TLN1: variants seen among roughly 807,000 people sequenced by gnomAD.
TLN1 encodes the protein talin 1, also known as talin-1.
TLN1 carries 56 observed loss-of-function variants against 292.3 expected under a neutral mutation model. The observed-to-expected ratio is 0.19, with a 90% CI of 0.15 to 0.24. The LOEUF is 0.24. Ranked by LOEUF, TLN1 falls within the 10% of genes least tolerant of loss-of-function variation. The pLI is 1.00. For missense variants in TLN1, 2,433 were observed against 3,248.2 expected, an observed-to-expected ratio of 0.75 and a Z score of 6.10; for synonymous variants, 1,119 against 1,253.7, an observed-to-expected ratio of 0.89 and a Z score of 2.27.
Position 35,724,131 on chromosome 9 carries a change from G to GCA in TLN1, c.655-54_655-53dup. 1 of 1,613,372 alleles carries GCA rather than the reference G, an allele frequency of 6.2e-7. No homozygotes were observed. The highest frequency in any genetic ancestry group is 8.5e-7 in the Non-Finnish European group (1 of 1,179,408). On this transcript the variant is annotated intron_variant, in intron 6 of 56. Coordinates refer to ENST00000314888, the MANE Select transcript of TLN1 (RefSeq NM_006289.4). This position sits in a 1 kb window ranked among gnomAD's most constrained non-coding sequence, Gnocchi z 4.7. ...ATGTTGTGTGTGGGTGCAAGGACAC[G>GCA]CACACTGTGCTTCCGAGCCCTCCCT...
chr9:35,707,037 C>T lies in TLN1; in HGVS notation c.4955+35G>A. On this transcript the variant is annotated intron_variant, in intron 37 of 56. Coordinates refer to ENST00000314888, the MANE Select transcript of TLN1 (RefSeq NM_006289.4). This position sits in a 1 kb window ranked among gnomAD's most constrained non-coding sequence, Gnocchi z 5.6. The stretch of plus-strand genomic sequence containing the variant: ...ATCCTCCATTCTGCCACAATGTATG[C>T]CCCCCAGCCACACTGGTTCCCCATC... 1 of 1,608,512 alleles carries T rather than the reference C, an allele frequency of 6.2e-7. No homozygotes were observed. The highest frequency in any genetic ancestry group is 1.1e-5 in the South Asian group (1 of 90,650).
chr9:35,724,958 T>C lies in TLN1; in HGVS notation c.230A>G (p.Asp77Gly). Reference sequence around the variant, plus strand: ...CTGTTTCTTCCTGTACTCCATAGTGTCCTGTTAGGGCAGGAAGAAGAGACA... The same window carrying C: ...CTGTTTCTTCCTGTACTCCATAGTGCCCTGTTAGGGCAGGAAGAAGAGACA... ...ALDYYMLRNG[D>G]TMEYRKKQRP... Residue 77 changes from aspartate (D) to glycine (G), a missense_variant and splice_region_variant, in exon 4 of 57, where the codon GAC (aspartate) becomes GGC (glycine). By Grantham distance (94) the Asp-to-Gly change is moderately conservative (BLOSUM62 -1). This residue lies in a region of TLN1 where 155 missense variants were observed against 287.9 expected (regional missense o/e 0.54). Transcript: ENST00000314888. The surrounding 1 kb of genome is among the most constrained non-coding windows in gnomAD (Gnocchi z 4.7). 1 of 1,614,140 alleles carries C rather than the reference T, an allele frequency of 6.2e-7. No individual in the cohort carries two copies. Among genetic ancestry groups the C allele is most frequent in the Non-Finnish European group, 8.5e-7 (1 of 1,180,036 alleles).
At position 35,697,542 on chromosome 9, in the gene TLN1, T is replaced by C; in HGVS notation, c.*249A>G. On this transcript the variant is annotated 3_prime_UTR_variant, in exon 57 of 57. Transcript: ENST00000314888. The stretch of plus-strand genomic sequence containing the variant: ...TCAGATCGAGGTACAGCAGCGTTAA[T>C]AATACTCTTGGAGCGTTAATACTCT... 1 of 530,756 alleles carries C rather than the reference T, an allele frequency of 1.9e-6. No homozygotes were observed. The highest frequency in any genetic ancestry group is 3.3e-6 in the Non-Finnish European group (1 of 304,704). 32.9% of individuals were successfully genotyped at this position (530,756 alleles called of 1,614,324 possible). A position where few individuals can be genotyped will look rare whatever the true frequency, so the allele number is the denominator to read the frequency against.
Position 35,717,516 on chromosome 9 carries a change from A to C in TLN1, c.2164-76T>G. 6.3e-7 allele frequency: 1 copy of C among 1,577,304 alleles called. No individual in the cohort carries two copies. Among genetic ancestry groups the C allele is most frequent in the Non-Finnish European group, 8.6e-7 (1 of 1,156,396 alleles). ...TATGCTGCTCATAGCAGTAACTGGG[A>C]TGGGTGAGGAGGCCTCCAGAGCCAA... On this transcript the variant is annotated intron_variant, in intron 18 of 56. Coordinates refer to ENST00000314888, the MANE Select transcript of TLN1 (RefSeq NM_006289.4). The surrounding 1 kb of genome is among the most constrained non-coding windows in gnomAD (Gnocchi z 4.7).
intron 29 of TLN1, 97 bp from the exon 30 acceptor site, chr9:35,711,491 T>C: frequency 6.2e-7 from 1 of 1,604,464 alleles, no homozygotes; most frequent in East Asian, 2.2e-5. Flanking sequence ...TGCTAGAGAC[T>C]GGGGAGGGAA....
chr9:35,720,139 G>C lies in TLN1; in HGVS notation c.1364C>G (p.Ser455Cys). Reference protein sequence around the residue: ...GSVALPAIMRSGASGPENFQV... With the variant: ...GSVALPAIMRCGASGPENFQV... ...GAAATTCTCAGGACCAGAGGCTCCA[G>C]AGCGCATGATGGCAGGCAGGGCCAC... The change falls in exon 13 of 57, where the codon TCT (serine) becomes TGT (cysteine). Residue 455 changes from serine to cysteine, a missense_variant. Around this residue, in one of 7 missense-constraint regions of TLN1, gnomAD observed 617 missense variants for 770.6 expected, o/e 0.80. Coordinates refer to ENST00000314888, the MANE Select transcript of TLN1 (RefSeq NM_006289.4). The C allele has an allele frequency of 2.5e-6, 4 of 1,612,898 alleles. No individual in the cohort carries two copies. Among genetic ancestry groups the C allele is most frequent in the Non-Finnish European group, 3.4e-6 (4 of 1,179,508 alleles).
rs905092531 is a variant in TLN1, at chr9:35,723,287, G to A, written c.783-366C>T. 1.3e-4 allele frequency: 29 copies of A among 229,276 alleles called. No homozygotes were observed. The East Asian group carries it at 3.3e-3, about 26-fold the overall frequency. The allele number at this position is 229,276 out of a possible 1,614,324, so 14.2% of individuals were successfully genotyped here. A position where few individuals can be genotyped will look rare whatever the true frequency, so the allele number is the denominator to read the frequency against. On this transcript the variant is annotated intron_variant, in intron 7 of 56. Transcript: ENST00000314888. Reference sequence around the variant, plus strand: ...TGGCTAATTTTGTATTTTTAGTAGAGATACATGGTTTCTCCACGTTGGTCA... The same window carrying A: ...TGGCTAATTTTGTATTTTTAGTAGAAATACATGGTTTCTCCACGTTGGTCA...
intron 31 of TLN1, 40 bp downstream of exon 31, chr9:35,710,949 T>C (rs992389490): frequency 6.2e-7 from 1 of 1,613,826 alleles, no homozygotes; most frequent in Middle Eastern, 1.6e-4. Context: ...ACCAGAACAC[T>C]TCCCTCAACC....
chr9:35,703,585 G>C lies in TLN1; in HGVS notation c.6449C>G (p.Thr2150Arg). The change falls in exon 48 of 57, where the codon ACA becomes AGA. Residue 2150 changes from threonine to arginine, a missense_variant. This residue lies in a region of TLN1 where 1,384 missense variants were observed against 1,699.6 expected (regional missense o/e 0.81). Coordinates refer to ENST00000314888, the MANE Select transcript of TLN1 (RefSeq NM_006289.4). ...TKGTRALEAT[T>R]EHIRQELAVF... ...CGCCAGCTCCTGCCGTATGTGTTCT[G>C]TGGTTGCCTCCAGGGCCCGAGTGCC... The C allele has an allele frequency of 1.2e-6, 2 of 1,614,186 alleles. No individual in the cohort carries two copies. The highest frequency in any genetic ancestry group is 1.1e-5 in the South Asian group (1 of 91,082).
chr9:35,720,629 C>CTTTTT, intron 11 of TLN1, 120 bp from the exon 12 acceptor site: 4 of 833,096 alleles, frequency 4.8e-6, no homozygotes, highest in African/African-American at 1.9e-5. Flanking sequence ...ATTTCTTTTT[C>CTTTTT]TTTTTTTTTT....
rs368972248 is a variant in TLN1, at chr9:35,724,980, G to A, written c.229-21C>T. 1 of 1,613,818 alleles carries A rather than the reference G, an allele frequency of 6.2e-7. No homozygotes were observed. The highest frequency in any genetic ancestry group is 8.5e-7 in the Non-Finnish European group (1 of 1,180,020). Reference sequence around the variant, plus strand: ...GTGTCCTGTTAGGGCAGGAAGAAGAGACAGGGGCCTACTCTGAGCTAGGGG... The same window carrying A: ...GTGTCCTGTTAGGGCAGGAAGAAGAAACAGGGGCCTACTCTGAGCTAGGGG... On this transcript the variant is annotated intron_variant, in intron 3 of 56. Coordinates refer to ENST00000314888, the MANE Select transcript of TLN1 (RefSeq NM_006289.4). The surrounding 1 kb of genome is among the most constrained non-coding windows in gnomAD (Gnocchi z 4.7).
chr9:35,723,037 G>GA, intron 7 of TLN1, 116 bp from the exon 8 acceptor site: 6 of 808,050 alleles, frequency 7.4e-6, no homozygotes, highest in African/African-American at 1.7e-5. Flanking sequence ...TCTTTGGGGA[G>GA]AAAAAAGACT....
At position 35,707,989 on chromosome 9, in the gene TLN1, C is replaced by T. The variant is rs566748294; in HGVS notation, c.4471-97G>A. 2.6e-4 allele frequency: 365 copies of T among 1,394,138 alleles called. 1 individual carries two copies. The highest frequency in any genetic ancestry group is 3.3e-4 in the Non-Finnish European group (337 of 1,016,870). The allele number at this position is 1,394,138 out of a possible 1,614,324, so 86.4% of individuals were successfully genotyped here. A position where few individuals can be genotyped will look rare whatever the true frequency, so the allele number is the denominator to read the frequency against. On this transcript the variant is annotated intron_variant, in intron 34 of 56. Coordinates refer to ENST00000314888, the MANE Select transcript of TLN1 (RefSeq NM_006289.4). This position sits in a 1 kb window ranked among gnomAD's most constrained non-coding sequence, Gnocchi z 5.6. ...AGGGTCAGGGGATGGAGAGCAATAC[C>T]CTGAGGAGTCAAAACAGGAATAACA...
chr9:35,700,139 C>CT, intron 49 of TLN1, 52 bp downstream of exon 49: 8 of 1,592,218 alleles, frequency 5.0e-6, no homozygotes, highest in Non-Finnish European at 6.9e-6. Flanking sequence ...GTTTCTCTCC[C>CT]ACTATGTTCT....
At chr9:35,705,717 G>C in intron 42 of TLN1, 33 bp downstream of exon 42, 1 of 1,614,168 alleles carries the variant, frequency 6.2e-7, no homozygotes, top group Non-Finnish European at 8.5e-7. Flanking sequence ...TCAGCTCTCC[G>C]AGGGCAGTCC....
Position 35,720,722 on chromosome 9 carries a change from T to C in TLN1, c.1206+90A>G, listed in dbSNP as rs1169257567. 5.4e-5 allele frequency: 71 copies of C among 1,326,876 alleles called. 1 individual carries two copies. Among genetic ancestry groups the C allele is most frequent in the Non-Finnish European group, 7.1e-5 (66 of 929,786 alleles). The allele number at this position is 1,326,876 out of a possible 1,614,324, so 82.2% of individuals were successfully genotyped here. On this transcript the variant is annotated intron_variant, in intron 11 of 56. Coordinates refer to ENST00000314888, the MANE Select transcript of TLN1 (RefSeq NM_006289.4). ...CTCATTGCAACCTCCGCCTCCCAGG[T>C]TCAAGCAATCTGAGTGCCCATTTCT...
In TLN1 at chr9:35,706,322, T is replaced by C. The variant is rs201321414; in HGVS notation, c.5235A>G (p.Ala1745=). The change falls in exon 40 of 57, where the codon GCA becomes GCG. Residue 1745 remains alanine (A), a synonymous_variant. Transcript: ENST00000314888. This position sits in a 1 kb window ranked among gnomAD's most constrained non-coding sequence, Gnocchi z 4.2. Reference sequence around the variant, plus strand: ...TCAGGGTCTTGGAGGCAGCACCCACTGCAGCCAGGGTGAGCGGCTCAAAGT... The same window carrying C: ...TCAGGGTCTTGGAGGCAGCACCCACCGCAGCCAGGGTGAGCGGCTCAAAGT... ...AQYFEPLTLA[A]VGAASKTLSH... is the part of the protein sequence containing the mutation. 3.1e-6 allele frequency: 5 copies of C among 1,613,106 alleles called. No homozygotes were observed. The East Asian group carries it at 1.1e-4, about 36-fold the overall frequency.
In TLN1 at chr9:35,709,886, CAAAAAAAAAAAAAAA is replaced by C. The variant is rs546437173; in HGVS notation, c.4326+660_4326+674del. 4.9e-3 allele frequency among the ~76,000 whole-genome samples: 63 copies of C among 12,866 alleles called. No homozygotes were observed. The East Asian group carries it at 0.093, about 19-fold the overall frequency. 8.4% of individuals were successfully genotyped at this position (12,866 alleles called of 152,430 possible). On this transcript the variant is annotated intron_variant, in intron 33 of 56. Coordinates refer to ENST00000314888, the MANE Select transcript of TLN1 (RefSeq NM_006289.4). ...TGGGCGACAGAGCGAAACTCGGTCTCAAAAAAAAAAAAAAAAAAAAAAAAAAAAGAAAGTAGTGAT... is the reference window on the plus strand; with the variant it reads ...TGGGCGACAGAGCGAAACTCGGTCTCAAAAAAAAAAAAAGAAAGTAGTGAT...
In TLN1 at chr9:35,721,728, C is replaced by T. The variant is rs1806203356; in HGVS notation, c.1024G>A (p.Glu342Lys). Residue 342 changes from glutamate (E) to lysine (K), a missense_variant, in exon 10 of 57, where the codon GAG (glutamate) becomes AAG (lysine). Transcript: ENST00000314888. ...ITKECVMRVDEKTKEVIQEWN... is the reference protein window; with the variant it reads ...ITKECVMRVDKKTKEVIQEWN... ...TCCTGGATCACTTCCTTGGTCTTCT[C>T]ATCCACTCGCATCACACACTCCTTG... is the stretch of plus-strand genomic sequence containing the variant. 6.2e-7 allele frequency: 1 copy of T among 1,614,044 alleles called. No individual in the cohort carries two copies. The highest frequency in any genetic ancestry group is 1.3e-5 in the African/African-American group (1 of 74,930).
Sources: allele counts gnomAD v4.1 joint callset (sites outside exome capture counted in the v4.1 genomes callset), GRCh38; gene constraint gnomAD v4.1.1; regional missense constraint gnomAD v4.1.1; non-coding constraint Gnocchi (gnomAD v3.1); transcripts MANE v1.5; gene names NCBI Gene and HGNC (gene_info 2026-07-23, HGNC 2026-07-21).